Variants in SLC4A5 observed in about 807,000 individuals in gnomAD.
SLC4A5 encodes electrogenic sodium bicarbonate cotransporter 4.
A neutral mutation model predicts 120.4 loss-of-function variants in SLC4A5; 96 were observed. The observed-to-expected ratio is 0.80, with a 90% CI of 0.68 to 0.94. SLC4A5 has a LOEUF of 0.94. Ranked by LOEUF, SLC4A5 falls within the 40% of genes least tolerant of loss-of-function variation. The probability of loss-of-function intolerance (pLI) is 0.00; values close to 1 mark genes in which losing one functional copy is unlikely to be tolerated. For synonymous variants in SLC4A5, 550 were observed against 571.1 expected, an observed-to-expected ratio of 0.96 and a Z score of 0.53; for missense variants, 1,259 against 1,459.5, an observed-to-expected ratio of 0.86 and a Z score of 2.24.
At chr2:74,252,439 CCT>C (rs752036122) in intron 15 of SLC4A5, 51 bp from the exon 16 acceptor site, 2 of 1,568,600 alleles carry the variant, frequency 1.3e-6, no homozygotes, top group Admixed American at 3.7e-5. Context: ...GCACCCCTCA[CCT>C]CTCCAACCAA....
intron 16 of SLC4A5, 24 bp downstream of exon 16, chr2:74,252,155 C>T: frequency 6.2e-7 from 1 of 1,608,370 alleles, no homozygotes. Context: ...ACAGCAGGGT[C>T]ACTGGGAGGC....
At chr2:74,317,922 C>G (rs1445685817) in intron 5 of SLC4A5, among the ~76,000 whole-genome samples, 1 of 152,110 alleles carries the variant, frequency 6.6e-6, no homozygotes, top group African/African-American at 2.4e-5. Context: ...GAACAGCCAG[C>G]CAAGAATCAC....
At chr2:74,314,957 G>T in exon 6 of SLC4A5, 1 of 1,613,694 alleles carries the variant, frequency 6.2e-7, no homozygotes, top group African/African-American at 1.3e-5. Flanking sequence ...TTCTGATCCG[G>T]AAATCTCCTC....
chr2:74,240,030 C>CATATATAAATTTATATATATAT (rs1670388704), intron 20 of SLC4A5, among the ~76,000 whole-genome samples: 1 of 147,162 alleles, frequency 6.8e-6, no homozygotes, highest in African/African-American at 2.5e-5. Context: ...TTTATATATA[C>CATATATAAATTTATATATATAT]ATATATAAAT....
chr2:74,318,329 C>T (rs1048796747), intron 5 of SLC4A5, among the ~76,000 whole-genome samples: 1 of 152,150 alleles, frequency 6.6e-6, no homozygotes, highest in Non-Finnish European at 1.5e-5. Flanking sequence ...TGCTAATCAT[C>T]AGAGAAATGC....
intron 3 of SLC4A5, among the ~76,000 whole-genome samples, chr2:74,336,406 AAGTGAT>A (rs1356357496): frequency 6.6e-6 from 1 of 152,090 alleles, no homozygotes; most frequent in Non-Finnish European, 1.5e-5. Context: ...CAGGTTGGGG[AAGTGAT>A]TAAGAGCAGG....
intron 7 of SLC4A5, among the ~76,000 whole-genome samples, chr2:74,301,671 C>G (rs1188464451): frequency 8.5e-5 from 13 of 152,222 alleles, no homozygotes; most frequent in Non-Finnish European, 1.9e-4. Context: ...AGGGCATTGG[C>G]ACTATCCCTG....
intron 26 of SLC4A5, chr2:74,227,527 T>A: frequency 1.9e-6 from 3 of 1,612,558 alleles, no homozygotes; most frequent in Non-Finnish European, 2.5e-6. Context: ...TGGAGTCAGC[T>A]TCTTCTGGAT....
At chr2:74,304,797 T>C (rs1672590486) in intron 6 of SLC4A5, 117 bp from the exon 7 acceptor site, 2 of 1,001,102 alleles carry the variant, frequency 2.0e-6, no homozygotes, top group African/African-American at 1.6e-5. Flanking sequence ...AGACATGGAG[T>C]GCCAGGATGG....
At chr2:74,217,587 G>C (rs1268687419) in exon 31 of SLC4A5, 2 of 152,156 alleles carry the variant, frequency 1.3e-5, no homozygotes, top group Non-Finnish European at 2.9e-5. Flanking sequence ...CATGAAATGT[G>C]ATTCCAGGTA....
chr2:74,310,530 A>G (rs1212641068), intron 6 of SLC4A5, among the ~76,000 whole-genome samples: 1 of 152,166 alleles, frequency 6.6e-6, no homozygotes, highest in African/African-American at 2.4e-5. Flanking sequence ...GATTTTGTCA[A>G]ATGCTTTTTC....
At chr2:74,272,776 G>A (rs967043169) in intron 8 of SLC4A5, among the ~76,000 whole-genome samples, 8 of 152,204 alleles carry the variant, frequency 5.3e-5, no homozygotes, top group African/African-American at 1.7e-4. Context: ...TATAATTAGA[G>A]GACATTGCTG....
intron 7 of SLC4A5, among the ~76,000 whole-genome samples, chr2:74,286,172 G>A (rs966784918): frequency 7.9e-5 from 12 of 152,100 alleles, no homozygotes; most frequent in African/African-American, 2.7e-4. Flanking sequence ...GGAAATGGTC[G>A]AAGCCAGGGC....
At chr2:74,276,111 A>T (rs976883617) in intron 8 of SLC4A5, among the ~76,000 whole-genome samples, 10 of 152,172 alleles carry the variant, frequency 6.6e-5, no homozygotes, top group African/African-American at 1.7e-4. Context: ...CATTGTAAAG[A>T]AGGAGAAAGA....
At chr2:74,314,960 A>C in exon 6 of SLC4A5, 1 of 1,613,194 alleles carries the variant, frequency 6.2e-7, no homozygotes. Flanking sequence ...TGATCCGGAA[A>C]TCTCCTCCTG....
intron 5 of SLC4A5, among the ~76,000 whole-genome samples, chr2:74,324,544 G>C (rs991842604): frequency 6.6e-6 from 1 of 151,906 alleles, no homozygotes; most frequent in Non-Finnish European, 1.5e-5. Context: ...GCTGATCCAG[G>C]GACCACATTT....
intron 6 of SLC4A5, among the ~76,000 whole-genome samples, chr2:74,308,386 T>C (rs967839177): frequency 6.6e-6 from 1 of 152,234 alleles, no homozygotes; most frequent in African/African-American, 2.4e-5. Context: ...CTCATCAGCA[T>C]TTGGTATTGG....
chr2:74,339,615 T>C (rs1673579967), intron 2 of SLC4A5: 1 of 152,214 alleles, frequency 6.6e-6, no homozygotes, highest in Admixed American at 6.5e-5. Flanking sequence ...GGGAACTCTA[T>C]GACTTCTTGT....
chr2:74,287,290 G>A (rs1672014041), intron 7 of SLC4A5, among the ~76,000 whole-genome samples: 1 of 152,154 alleles, frequency 6.6e-6, no homozygotes, highest in South Asian at 2.1e-4. Context: ...CTCTGCAGGT[G>A]TGTCTGAGGG....
Sources: gnomAD v4.1 joint callset for allele counts (sites outside exome capture counted in the v4.1 genomes callset) on GRCh38, gnomAD v4.1.1 for gene constraint, MANE v1.5 for transcripts, NCBI Gene and HGNC (gene_info 2026-07-23, HGNC 2026-07-21) for gene names.